XKR6: variants seen among roughly 807,000 people sequenced by gnomAD.
The protein encoded by XKR6 is XK related 6, also known as XK-related protein 6.
Under a neutral mutation model 56.7 loss-of-function variants are expected in XKR6, and 22 were observed. That is an observed-to-expected ratio of 0.39 (90% CI 0.28 to 0.55). The LOEUF (loss-of-function observed/expected upper bound fraction) is 0.55. Among genes scored for constraint, XKR6 ranks in the 20% least tolerant of loss-of-function variants. The pLI is 0.66. For missense variants in XKR6, 852 were observed against 889.0 expected, an observed-to-expected ratio of 0.96 and a Z score of 0.53; for synonymous variants, 524 against 387.8, an observed-to-expected ratio of 1.35 and a Z score of -4.13.
chr8:11,054,713 G>A (rs970090493), intron 1 of XKR6, among the ~76,000 whole-genome samples: 2 of 152,222 alleles, frequency 1.3e-5, no homozygotes, highest in Non-Finnish European at 2.9e-5. Context: ...CTTGCTGGTG[G>A]GTGGGAAGGA....
chr8:10,897,715 T>G lies in XKR6; in HGVS notation c.*237A>C. On this transcript the variant is annotated 3_prime_UTR_variant, in exon 3 of 3. Coordinates refer to ENST00000416569, the MANE Select transcript of XKR6 (RefSeq NM_173683.4). Reference sequence around the variant, plus strand: ...AAAAGAAAGGTTTTCTTTTTGTTTTTACTTACAAAACATAGAGAATATCTT... The same window carrying G: ...AAAAGAAAGGTTTTCTTTTTGTTTTGACTTACAAAACATAGAGAATATCTT... The G allele has an allele frequency of 2.3e-6, 1 of 435,674 alleles. No homozygotes were observed. 27.0% of individuals were successfully genotyped at this position (435,674 alleles called of 1,614,324 possible). A position where few individuals can be genotyped will look rare whatever the true frequency, so the allele number is the denominator to read the frequency against.
intron 1 of XKR6, among the ~76,000 whole-genome samples, chr8:10,955,335 G>A (rs1435906238): frequency 6.6e-6 from 1 of 152,116 alleles, no homozygotes; most frequent in African/African-American, 2.4e-5. Context: ...GACATGCCCA[G>A]CTAATTTTCT....
chr8:10,906,889 A>C (rs1800202272), intron 2 of XKR6, among the ~76,000 whole-genome samples: 1 of 152,226 alleles, frequency 6.6e-6, no homozygotes. Context: ...ACTAAAATAC[A>C]AAAACACAAT....
intron 1 of XKR6, among the ~76,000 whole-genome samples, chr8:10,928,133 C>G (rs993831970): frequency 6.6e-6 from 1 of 152,214 alleles, no homozygotes; most frequent in African/African-American, 2.4e-5. Flanking sequence ...CCAACCCCCA[C>G]TTTATAGTGG....
At chr8:11,037,131 C>G (rs1426434251) in intron 1 of XKR6, among the ~76,000 whole-genome samples, 1 of 152,250 alleles carries the variant, frequency 6.6e-6, no homozygotes, top group Non-Finnish European at 1.5e-5. Context: ...ATTTCTGCAT[C>G]TGTTTCACCC....
intron 1 of XKR6, among the ~76,000 whole-genome samples, chr8:11,199,628 T>G (rs746501970): frequency 2.4e-4 from 36 of 152,362 alleles, no homozygotes; most frequent in Non-Finnish European, 4.0e-4. Flanking sequence ...AGGGCACAGA[T>G]GTACCCAGGT....
At chr8:11,020,948 T>C (rs576313637) in intron 1 of XKR6, among the ~76,000 whole-genome samples, 20 of 152,072 alleles carry the variant, frequency 1.3e-4, no homozygotes, top group African/African-American at 4.8e-4. Context: ...TGGCACAGAG[T>C]AGGTACTATC....
At chr8:11,052,026 C>T (rs981772032) in intron 1 of XKR6, among the ~76,000 whole-genome samples, 1 of 152,152 alleles carries the variant, frequency 6.6e-6, no homozygotes, top group Admixed American at 6.5e-5. Context: ...CTCCCCTCAA[C>T]GCTTAGTCTT....
At chr8:11,179,274 C>A (rs1267654929) in intron 1 of XKR6, among the ~76,000 whole-genome samples, 1 of 152,158 alleles carries the variant, frequency 6.6e-6, no homozygotes, top group African/African-American at 2.4e-5. Flanking sequence ...AGCTGTCACA[C>A]ACGTAGATTC....
chr8:11,145,142 A>G (rs1800918049), intron 1 of XKR6, among the ~76,000 whole-genome samples: 1 of 152,148 alleles, frequency 6.6e-6, no homozygotes, highest in African/African-American at 2.4e-5. Context: ...GAGCAACGAC[A>G]TGATACTCAA....
At chr8:11,015,303 C>G (rs1798593467) in intron 1 of XKR6, among the ~76,000 whole-genome samples, 1 of 152,052 alleles carries the variant, frequency 6.6e-6, no homozygotes, top group South Asian at 2.1e-4. Context: ...CTCTTCTGAG[C>G]ACATCCGGGA....
At chr8:10,997,645 CGTGTGGAAATGCAATGAGG>C (rs1563336073) in intron 1 of XKR6, among the ~76,000 whole-genome samples, 2 of 152,008 alleles carry the variant, frequency 1.3e-5, no homozygotes, top group South Asian at 2.1e-4. Flanking sequence ...CTGCAGGAGG[CGTGTGGAAATGCAATGAGG>C]GTGTGGAAAT....
At chr8:11,061,525 C>G (rs1799834410) in intron 1 of XKR6, among the ~76,000 whole-genome samples, 1 of 152,062 alleles carries the variant, frequency 6.6e-6, no homozygotes, top group African/African-American at 2.4e-5. Context: ...TGACTAAAAG[C>G]CACCATCTGA....
chr8:11,078,032 G>A (rs1199941311), intron 1 of XKR6, among the ~76,000 whole-genome samples: 2 of 152,134 alleles, frequency 1.3e-5, no homozygotes, highest in South Asian at 2.1e-4. Context: ...CTGACCTTGA[G>A]CCTGACCCCA....
At position 11,200,344 on chromosome 8, in the gene XKR6, G is replaced by C. The variant is rs1175714825; in HGVS notation, c.764+232C>G. 2.0e-5 allele frequency among the ~76,000 whole-genome samples: 3 copies of C among 152,242 alleles called. No individual in the cohort carries two copies. The highest frequency in any genetic ancestry group is 4.4e-5 in the Non-Finnish European group (3 of 68,036). On this transcript the variant is annotated intron_variant, in intron 1 of 2. Coordinates refer to ENST00000416569, the MANE Select transcript of XKR6 (RefSeq NM_173683.4). The surrounding 1 kb of genome is among the most constrained non-coding windows in gnomAD (Gnocchi z 6.4). The stretch of plus-strand genomic sequence containing the variant: ...TTGGGGCAAGAGCCCCGCCGAGTGC[G>C]AAGCGGGGACGAGGACGGGCCAACG...
At chr8:11,078,200 G>A (rs138488389) in intron 1 of XKR6, among the ~76,000 whole-genome samples, 22 of 152,300 alleles carry the variant, frequency 1.4e-4, no homozygotes, top group Admixed American at 5.2e-4. Flanking sequence ...GTAGGGGAAG[G>A]AACTCCAGAG....
rs199895207 is a variant in XKR6 at position 11,104,308 on chromosome 8, GGAA to G, written c.764+96265_764+96267del. On this transcript the variant is annotated intron_variant, in intron 1 of 2. Transcript: ENST00000416569. ...CTTCCTGCCTGCCGGCATCCATTGAGGAAGAGTATCAACCCCAATTTTAAATAG... is the reference window on the plus strand; with the variant it reads ...CTTCCTGCCTGCCGGCATCCATTGAGGAGTATCAACCCCAATTTTAAATAG... Among the ~76,000 whole-genome samples the G allele has an allele frequency of 5.5e-3, 845 of 152,352 alleles. 12 individuals are homozygous for G. Among genetic ancestry groups the G allele is most frequent in the African/African-American group, 0.02 (811 of 41,584 alleles).
At chr8:11,139,511 C>A (rs1660926948) in intron 1 of XKR6, among the ~76,000 whole-genome samples, 1 of 152,112 alleles carries the variant, frequency 6.6e-6, no homozygotes. Flanking sequence ...CTGGCCACTC[C>A]ACAGAGACAG....
intron 1 of XKR6, among the ~76,000 whole-genome samples, chr8:10,985,702 A>T (rs554757368): frequency 2.0e-5 from 3 of 152,300 alleles, no homozygotes; most frequent in African/African-American, 7.2e-5. Context: ...GAGATCATGA[A>T]TTGTAACCAC....
Sources: gnomAD v4.1 joint callset for allele counts (sites outside exome capture counted in the v4.1 genomes callset) on GRCh38, gnomAD v4.1.1 for gene constraint, Gnocchi (gnomAD v3.1) non-coding constraint, MANE v1.5 for transcripts, NCBI Gene and HGNC (gene_info 2026-07-23, HGNC 2026-07-21) for gene names.